MAOA: variants seen among roughly 807,000 people sequenced by gnomAD.
MAOA encodes monoamine oxidase A.
MAOA carries 6 observed loss-of-function variants against 42.0 expected under a neutral mutation model. That is an observed-to-expected ratio of 0.14 (90% CI 0.08 to 0.28). The LOEUF (loss-of-function observed/expected upper bound fraction) is 0.28. Ranked by LOEUF, MAOA falls within the 10% of genes least tolerant of loss-of-function variation. The pLI is 1.00. For synonymous variants in MAOA, 140 were observed against 154.0 expected, an observed-to-expected ratio of 0.91 and a Z score of 0.67; for missense variants, 262 against 422.3, an observed-to-expected ratio of 0.62 and a Z score of 3.33.
intron 12 of MAOA, among the ~76,000 whole-genome samples, 191 bp downstream of exon 12, chrX:43,742,238 A>G (rs1170796457): frequency 2.7e-5 from 3 of 112,877 alleles, no homozygotes; most frequent in Non-Finnish European, 5.6e-5. Flanking sequence ...CTGTCAGCAT[A>G]CAGAACAATA....
chrX:43,733,032 C>T (rs1401364201), intron 9 of MAOA, among the ~76,000 whole-genome samples: 1 of 112,230 alleles, frequency 8.9e-6, no homozygotes, highest in South Asian at 3.7e-4. Context: ...ATGTCTTTCT[C>T]TCATACAAAG....
chrX:43,740,276 T>C (rs2033949722), intron 10 of MAOA, among the ~76,000 whole-genome samples: 1 of 112,158 alleles, frequency 8.9e-6, no homozygotes, highest in Non-Finnish European at 1.9e-5. Context: ...CCATCACTTA[T>C]ACTATAGACT....
chrX:43,671,790 C>G (rs1401673807), intron 1 of MAOA, among the ~76,000 whole-genome samples: 1 of 99,921 alleles, frequency 1.0e-5, no homozygotes, highest in Non-Finnish European at 2.0e-5. Flanking sequence ...CTGTTCTGTT[C>G]CATTGATCTA....
At chrX:43,661,421 A>G (rs1250572951) in intron 1 of MAOA, among the ~76,000 whole-genome samples, 1 of 111,745 alleles carries the variant, frequency 8.9e-6, no homozygotes, top group African/African-American at 3.3e-5. Context: ...AAGTGCAGGG[A>G]TCTTGAGAGA....
chrX:43,657,878 G>A (rs920753930), intron 1 of MAOA: 51 of 749,776 alleles, frequency 6.8e-5, no homozygotes, highest in Admixed American at 8.8e-5. Flanking sequence ...AGAAGAGATT[G>A]GCATGAACTG....
intron 10 of MAOA, among the ~76,000 whole-genome samples, chrX:43,739,248 G>A (rs2033943190): frequency 8.9e-6 from 1 of 111,856 alleles, no homozygotes; most frequent in African/African-American, 3.3e-5. Flanking sequence ...TATAATGTGA[G>A]CAGCTCTTTG....
chrX:43,667,003 G>GAAA (rs200854522), intron 1 of MAOA, among the ~76,000 whole-genome samples: 3 of 93,580 alleles, frequency 3.2e-5, no homozygotes, highest in African/African-American at 4.2e-5. Context: ...TGGGGTGGGG[G>GAAA]GCGGGGGGGA....
At chrX:43,697,111 G>T (rs1354952347) in intron 3 of MAOA, among the ~76,000 whole-genome samples, 1 of 112,196 alleles carries the variant, frequency 8.9e-6, no homozygotes, top group African/African-American at 3.2e-5. Flanking sequence ...GGGTTATTGC[G>T]CCATTTCACA....
At chrX:43,709,634 T>C (rs2033685173) in intron 3 of MAOA, among the ~76,000 whole-genome samples, 1 of 111,448 alleles carries the variant, frequency 9.0e-6, no homozygotes, top group Non-Finnish European at 1.9e-5. Context: ...TGGAGGAAAA[T>C]GTAGATTTTT....
At chrX:43,726,843 C>T (rs1372924466) in intron 5 of MAOA, among the ~76,000 whole-genome samples, 1 of 111,781 alleles carries the variant, frequency 8.9e-6, no homozygotes, top group Non-Finnish European at 1.9e-5. Context: ...ATGTTGGTGA[C>T]CTATGGATGG....
intron 3 of MAOA, among the ~76,000 whole-genome samples, chrX:43,701,075 A>G (rs747182340): frequency 2.7e-5 from 3 of 112,552 alleles, no homozygotes; most frequent in African/African-American, 9.7e-5. Context: ...AAATGTTTAC[A>G]TATTTTCAGT....
intron 9 of MAOA, among the ~76,000 whole-genome samples, chrX:43,734,765 A>C (rs1327767664): frequency 3.6e-5 from 4 of 112,335 alleles, no homozygotes; most frequent in Admixed American, 9.4e-5. Flanking sequence ...TTGGGATTAG[A>C]TCAAAGAGAT....
chrX:43,692,267 G>C (rs2033542971), intron 2 of MAOA, among the ~76,000 whole-genome samples: 1 of 110,726 alleles, frequency 9.0e-6, no homozygotes, highest in African/African-American at 3.3e-5. Context: ...TTCTGGGGGA[G>C]TGTTTGTCAA....
chrX:43,719,992 G>A (rs1244116653), intron 5 of MAOA, among the ~76,000 whole-genome samples: 1 of 110,380 alleles, frequency 9.1e-6, no homozygotes, highest in Non-Finnish European at 1.9e-5. Flanking sequence ...TGACAGGGAA[G>A]AGTAGATAGT....
At chrX:43,741,419 T>C in intron 11 of MAOA, among the ~76,000 whole-genome samples, 1 of 112,207 alleles carries the variant, frequency 8.9e-6, no homozygotes. Context: ...ATAGTTTTCA[T>C]CTTAATTGCC....
intron 3 of MAOA, among the ~76,000 whole-genome samples, chrX:43,693,801 A>G (rs1004243151): frequency 1.8e-5 from 2 of 109,757 alleles, no homozygotes; most frequent in Admixed American, 2.0e-4. Context: ...ACACACACAC[A>G]CACGCACACT....
intron 5 of MAOA, 133 bp from the exon 6 acceptor site, chrX:43,728,040 T>C: frequency 4.8e-6 from 3 of 621,137 alleles, no homozygotes; most frequent in Non-Finnish European, 8.2e-6. Context: ...CCTTCAGAAA[T>C]TGAATCCTTG....
intron 5 of MAOA, 28 bp downstream of exon 5, chrX:43,712,824 ACTTTTTAT>A (rs1569197504): frequency 8.8e-6 from 9 of 1,026,216 alleles, no homozygotes; most frequent in African/African-American, 1.8e-5. Flanking sequence ...TTCAAAATTT[ACTTTTTAT>A]CTTCCCTTCT....
intron 9 of MAOA, among the ~76,000 whole-genome samples, chrX:43,735,400 T>C (rs2033912413): frequency 8.9e-6 from 1 of 112,363 alleles, no homozygotes; most frequent in Non-Finnish European, 1.9e-5. Context: ...ATGCAGTTAG[T>C]AATATCAGTA....
Sources: allele counts gnomAD v4.1 joint callset (sites outside exome capture counted in the v4.1 genomes callset), GRCh38; gene constraint gnomAD v4.1.1; transcripts MANE v1.5; gene names NCBI Gene and HGNC (gene_info 2026-07-23, HGNC 2026-07-21).